Variants in PCDHA2 observed in about 807,000 individuals in gnomAD.
The protein encoded by PCDHA2 is protocadherin alpha 2, also known as protocadherin alpha-2.
A neutral mutation model predicts 66.0 loss-of-function variants in PCDHA2; 58 were observed. The ratio of observed to expected loss-of-function variants is 0.88; its 90% CI spans 0.71 to 1.09. The LOEUF is 1.09. PCDHA2 is among the 50% of genes least tolerant of loss of function. The pLI, the probability that PCDHA2 is intolerant of heterozygous loss-of-function variation, is 0.00. For missense variants in PCDHA2, 1,267 were observed against 1,242.3 expected (o/e 1.02, Z -0.30); for synonymous variants, 634 against 554.0 (o/e 1.14, Z -2.03).
chr5:140,821,910 C>T, intron 1 of PCDHA2: 1 of 1,614,236 alleles, frequency 6.2e-7, no homozygotes, highest in East Asian at 2.2e-5. Context: ...CCTTCGTTGG[C>T]CGCATCGCGC....
At chr5:140,842,993 G>C in intron 1 of PCDHA2, 1 of 1,595,048 alleles carries the variant, frequency 6.3e-7, no homozygotes, top group Non-Finnish European at 8.6e-7. Flanking sequence ...CGTGCTGGAC[G>C]AGAATGACAA....
At chr5:140,873,631 A>G (rs2054392579) in intron 1 of PCDHA2, among the ~76,000 whole-genome samples, 1 of 152,222 alleles carries the variant, frequency 6.6e-6, no homozygotes, top group Non-Finnish European at 1.5e-5. Flanking sequence ...TTTAGGTCAA[A>G]GAGTATGTGA....
chr5:140,805,557 G>A (rs1238555636), intron 1 of PCDHA2: 5 of 976,838 alleles, frequency 5.1e-6, no homozygotes, highest in African/African-American at 1.8e-5. Context: ...GATATAGGAG[G>A]CAAGGAAAGT....
chr5:140,927,997 C>T (rs139322203), intron 1 of PCDHA2: 298 of 1,614,182 alleles, frequency 1.8e-4, no homozygotes, highest in Admixed American at 5.8e-4. Context: ...GGATGAAGAC[C>T]TCGATTCTAA....
chr5:140,937,805 G>T (rs1192616946), intron 1 of PCDHA2, among the ~76,000 whole-genome samples: 1 of 149,924 alleles, frequency 6.7e-6, no homozygotes, highest in Admixed American at 6.6e-5. Flanking sequence ...CCAGCTACTC[G>T]GGAAGCTGAG....
intron 1 of PCDHA2, 68 bp downstream of exon 1, chr5:140,797,420 C>G (rs1554120435): frequency 2.5e-5 from 37 of 1,487,626 alleles, no homozygotes; most frequent in Non-Finnish European, 3.2e-5. Context: ...ATGATTTCTA[C>G]TAGTTATTTA....
chr5:140,824,449 A>C (rs1768125050), intron 1 of PCDHA2: 2 of 452,608 alleles, frequency 4.4e-6, no homozygotes, highest in Non-Finnish European at 3.9e-6. Flanking sequence ...TTATGACTAC[A>C]TGAAAATTTA....
intron 1 of PCDHA2, among the ~76,000 whole-genome samples, chr5:140,973,877 A>G (rs782563295): frequency 6.6e-6 from 1 of 152,234 alleles, no homozygotes; most frequent in Non-Finnish European, 1.5e-5. Context: ...AGGTCAGAAT[A>G]ATGTCAATTT....
chr5:140,876,342 A>C, intron 1 of PCDHA2: 1 of 1,614,042 alleles, frequency 6.2e-7, no homozygotes, highest in Non-Finnish European at 8.5e-7. Flanking sequence ...TGAGTGAGAA[A>C]TGTATGTTTT....
At chr5:140,804,858 T>G in intron 1 of PCDHA2, 1 of 538,794 alleles carries the variant, frequency 1.9e-6, no homozygotes. Context: ...GTCTAACACG[T>G]AAAATAGATA....
At chr5:140,951,967 C>A (rs2094665815) in intron 1 of PCDHA2, among the ~76,000 whole-genome samples, 1 of 152,166 alleles carries the variant, frequency 6.6e-6, no homozygotes, top group South Asian at 2.1e-4. Context: ...GTAAATACTC[C>A]TGTTCCAAAA....
chr5:140,858,537 C>T (rs1485044907), intron 1 of PCDHA2: 2 of 1,400,036 alleles, frequency 1.4e-6, no homozygotes, highest in Non-Finnish European at 2.0e-6. Flanking sequence ...TTTTTGTCTA[C>T]ATTCCATTTA....
At chr5:140,875,262 C>A in intron 1 of PCDHA2, 1 of 1,157,366 alleles carries the variant, frequency 8.6e-7, no homozygotes, top group African/African-American at 1.6e-5. Flanking sequence ...CATGATGTCG[C>A]TCTACACTCA....
intron 3 of PCDHA2, 75 bp from the exon 4 acceptor site, chr5:141,009,552 C>T: frequency 6.4e-7 from 1 of 1,562,176 alleles, no homozygotes; most frequent in Non-Finnish European, 8.7e-7. Context: ...TGCAGTACTC[C>T]TGTACTCTAC....
At chr5:140,843,811 A>G (rs1388764041) in intron 1 of PCDHA2, 1 of 1,276,222 alleles carries the variant, frequency 7.8e-7, no homozygotes, top group Non-Finnish European at 1.1e-6. Context: ...CGTATTTTAT[A>G]GTGAAAATTT....
intron 1 of PCDHA2, among the ~76,000 whole-genome samples, chr5:140,905,814 G>A (rs1303983123): frequency 6.6e-6 from 1 of 152,090 alleles, no homozygotes; most frequent in South Asian, 2.1e-4. Flanking sequence ...GAATTAATAG[G>A]CTAGATGTGT....
chr5:140,968,150 A>C, intron 1 of PCDHA2: 1 of 1,614,180 alleles, frequency 6.2e-7, no homozygotes. Context: ...GATCTCTGAC[A>C]TCAATGACAA....
At chr5:140,813,468 T>C (rs1480413491) in intron 1 of PCDHA2, 3 of 152,214 alleles carry the variant, frequency 2.0e-5, no homozygotes, top group Admixed American at 1.3e-4. Flanking sequence ...AGTATTTGTA[T>C]ACCTAAATAT....
Position 140,982,524 on chromosome 5 carries a change from C to T in PCDHA2, c.2497C>T (p.Pro833Ser). ...CATTCTACGGGCTGGTCCAGGAGGG[C>T]CTGATCAGCAGTGGCCAACAGTATC... ...AGILRAGPGG[P>S]DQQWPTVSSA... Residue 833 changes from proline to serine, a missense_variant, in exon 3 of 4, where the codon CCT (proline) becomes TCT (serine). Transcript: ENST00000526136. The T allele has an allele frequency of 6.2e-7, 1 of 1,614,170 alleles. No homozygotes were observed. Among genetic ancestry groups the T allele is most frequent in the Non-Finnish European group, 8.5e-7 (1 of 1,180,030 alleles).
Sources: allele counts gnomAD v4.1 joint callset (sites outside exome capture counted in the v4.1 genomes callset), GRCh38; gene constraint gnomAD v4.1.1; transcripts MANE v1.5; gene names NCBI Gene and HGNC (gene_info 2026-07-23, HGNC 2026-07-21).